GABBR2: variants seen among roughly 807,000 people sequenced by gnomAD.
The protein encoded by GABBR2 is gamma-aminobutyric acid type B receptor subunit 2.
A neutral mutation model predicts 105.6 loss-of-function variants in GABBR2; 23 were observed. The observed-to-expected ratio is 0.22, with a 90% CI of 0.16 to 0.31. GABBR2 has a LOEUF of 0.31. GABBR2 is among the 10% of genes least tolerant of loss of function. The pLI, the probability that GABBR2 is intolerant of heterozygous loss-of-function variation, is 1.00. For synonymous variants in GABBR2, 478 were observed against 499.7 expected (o/e 0.96, Z 0.58); for missense variants, 734 against 1,245.5 (o/e 0.59, Z 6.18).
intron 1 of GABBR2, among the ~76,000 whole-genome samples, chr9:98,614,822 A>G (rs1279133471): frequency 6.6e-6 from 1 of 152,098 alleles, no homozygotes; most frequent in Non-Finnish European, 1.5e-5. Flanking sequence ...ATGAAGATCA[A>G]CCCTGCAGAA....
At chr9:98,532,707 T>C (rs1186131137) in intron 3 of GABBR2, among the ~76,000 whole-genome samples, 1 of 152,160 alleles carries the variant, frequency 6.6e-6, no homozygotes, top group Non-Finnish European at 1.5e-5. Flanking sequence ...CAGTGTCTGA[T>C]TCACTGGGGC....
At chr9:98,695,653 C>G (rs530863087) in intron 1 of GABBR2, among the ~76,000 whole-genome samples, 1 of 152,314 alleles carries the variant, frequency 6.6e-6, no homozygotes, top group South Asian at 2.1e-4. Flanking sequence ...AGTATAAAAT[C>G]TAGTCAGTGT....
intron 7 of GABBR2, among the ~76,000 whole-genome samples, chr9:98,431,256 T>G (rs1316332394): frequency 6.6e-6 from 1 of 152,168 alleles, no homozygotes; most frequent in Admixed American, 6.5e-5. Flanking sequence ...ACATCTTTCT[T>G]TCTTTCTTTT....
intron 2 of GABBR2, among the ~76,000 whole-genome samples, chr9:98,545,473 G>A (rs764592344): frequency 3.9e-5 from 6 of 152,164 alleles, no homozygotes; most frequent in Non-Finnish European, 7.4e-5. Flanking sequence ...ACAGACATCT[G>A]AGAAATCATC....
At chr9:98,606,430 T>C (rs928176499) in intron 1 of GABBR2, among the ~76,000 whole-genome samples, 1 of 152,058 alleles carries the variant, frequency 6.6e-6, no homozygotes, top group Non-Finnish European at 1.5e-5. Context: ...AAACTGCTTG[T>C]AATAATGCCT....
intron 13 of GABBR2, among the ~76,000 whole-genome samples, chr9:98,352,555 G>A (rs1198479998): frequency 6.6e-6 from 1 of 152,148 alleles, no homozygotes; most frequent in African/African-American, 2.4e-5. Flanking sequence ...CAGGCAGGGT[G>A]GACCTGTCCT....
intron 1 of GABBR2, among the ~76,000 whole-genome samples, chr9:98,618,390 A>G (rs184388276): frequency 1.3e-3 from 192 of 152,250 alleles, no homozygotes; most frequent in Middle Eastern, 3.4e-3. Flanking sequence ...TTAGGATGAA[A>G]CAATAGTATC....
At chr9:98,440,039 G>C (rs1336817) in intron 7 of GABBR2, among the ~76,000 whole-genome samples, 1 of 152,066 alleles carries the variant, frequency 6.6e-6, no homozygotes, top group African/African-American at 2.4e-5. Flanking sequence ...TCCTTACTGC[G>C]AATTACCCTC....
chr9:98,293,303 C>G (rs1000276829), intron 18 of GABBR2, among the ~76,000 whole-genome samples: 6 of 152,096 alleles, frequency 3.9e-5, no homozygotes, highest in Non-Finnish European at 8.8e-5. Context: ...CTCCAAAGCT[C>G]CTATTGTTTG....
At chr9:98,451,316 G>A (rs1826225512) in intron 7 of GABBR2, among the ~76,000 whole-genome samples, 1 of 152,150 alleles carries the variant, frequency 6.6e-6, no homozygotes, top group African/African-American at 2.4e-5. Flanking sequence ...TTATAACAAG[G>A]AGTTCTGAGA....
intron 4 of GABBR2, among the ~76,000 whole-genome samples, chr9:98,484,180 T>TA (rs1303292547): frequency 6.6e-6 from 1 of 152,180 alleles, no homozygotes; most frequent in East Asian, 1.9e-4. Flanking sequence ...GACAGTTAAA[T>TA]AACCAGCTCT....
chr9:98,400,909 A>AG (rs1832383370), intron 8 of GABBR2, among the ~76,000 whole-genome samples: 1 of 144,716 alleles, frequency 6.9e-6, no homozygotes, highest in Non-Finnish European at 1.5e-5. Context: ...GAGGGAAATA[A>AG]GGGGGATAAA....
At chr9:98,375,874 T>C (rs1012702464) in intron 11 of GABBR2, among the ~76,000 whole-genome samples, 3 of 152,234 alleles carry the variant, frequency 2.0e-5, no homozygotes, top group Non-Finnish European at 4.4e-5. Flanking sequence ...GAAGGTTTCA[T>C]CTGAAGGGTT....
intron 1 of GABBR2, among the ~76,000 whole-genome samples, chr9:98,623,262 A>G (rs1276317729): frequency 6.6e-6 from 1 of 152,006 alleles, no homozygotes; most frequent in African/African-American, 2.4e-5. Context: ...CTGTCTCTAC[A>G]AAAAATACAA....
chr9:98,299,045 C>T (rs1023626441), intron 17 of GABBR2, among the ~76,000 whole-genome samples, 179 bp downstream of exon 17: 63 of 152,166 alleles, frequency 4.1e-4, no homozygotes, highest in African/African-American at 1.4e-3. Context: ...GGGCTCAAAG[C>T]GGACACTGAA....
At chr9:98,624,972 A>G (rs1468691880) in intron 1 of GABBR2, among the ~76,000 whole-genome samples, 1 of 152,122 alleles carries the variant, frequency 6.6e-6, no homozygotes, top group Non-Finnish European at 1.5e-5. Flanking sequence ...CCTCCCCTCC[A>G]TCACCTGCCC....
In GABBR2 at chr9:98,681,592, AT is replaced by A. The variant is rs34524279; in HGVS notation, c.321+26824del. 1.5e-3 allele frequency among the ~76,000 whole-genome samples: 229 copies of A among 152,016 alleles called. 1 individual carries two copies. Among genetic ancestry groups the A allele is most frequent in the Middle Eastern group, 3.4e-3 (1 of 294 alleles). Reference sequence around the variant, plus strand: ...AAAACTTAAAGTATAATAAAAAAAAATTTAAAAAGATATTTGTGAAGACATA... The same window carrying A: ...AAAACTTAAAGTATAATAAAAAAAAATTAAAAAGATATTTGTGAAGACATA... On this transcript the variant is annotated intron_variant, in intron 1 of 18. Transcript: ENST00000259455.
At chr9:98,378,650 A>G (rs1415156976) in intron 11 of GABBR2, among the ~76,000 whole-genome samples, 1 of 152,168 alleles carries the variant, frequency 6.6e-6, no homozygotes, top group Non-Finnish European at 1.5e-5. Flanking sequence ...GCTGCATTCC[A>G]TCCAGACCCC....
At chr9:98,490,924 G>C (rs1827163202) in intron 4 of GABBR2, among the ~76,000 whole-genome samples, 1 of 151,918 alleles carries the variant, frequency 6.6e-6, no homozygotes, top group African/African-American at 2.4e-5. Flanking sequence ...TGACTTTCTT[G>C]ATACAAATTT....
Sources: allele counts gnomAD v4.1 joint callset (sites outside exome capture counted in the v4.1 genomes callset), GRCh38; gene constraint gnomAD v4.1.1; transcripts MANE v1.5; gene names NCBI Gene and HGNC (gene_info 2026-07-23, HGNC 2026-07-21).